Variants in GRM7 observed in about 807,000 individuals in gnomAD.
The protein encoded by GRM7 is metabotropic glutamate receptor 7.
Under a neutral mutation model 84.5 loss-of-function variants are expected in GRM7, and 35 were observed. That is an observed-to-expected ratio of 0.41 (90% CI 0.32 to 0.55). The LOEUF (loss-of-function observed/expected upper bound fraction) is 0.55, where lower values mean the gene tolerates loss of function less well. Among genes scored for constraint, GRM7 ranks in the 20% least tolerant of loss-of-function variants. GRM7 has a pLI of 0.19. For missense variants in GRM7, 1,003 were observed against 1,194.6 expected (o/e 0.84, Z 2.36); for synonymous variants, 487 against 455.1 (o/e 1.07, Z -0.89).
At chr3:7,405,408 A>G (rs894216529) in intron 4 of GRM7, among the ~76,000 whole-genome samples, 3 of 152,168 alleles carry the variant, frequency 2.0e-5, no homozygotes, top group Admixed American at 6.5e-5. Context: ...ATATTTTGAT[A>G]CACATTATAT....
At chr3:7,306,756 T>C in intron 4 of GRM7, 104 bp downstream of exon 4, 3 of 935,748 alleles carry the variant, frequency 3.2e-6, no homozygotes, top group East Asian at 2.7e-5. Context: ...ACCAAACTCA[T>C]GTGGGGTTGT....
At chr3:7,461,823 T>C (rs1698260808) in intron 7 of GRM7, 101 bp downstream of exon 7, 1 of 1,074,032 alleles carries the variant, frequency 9.3e-7, no homozygotes. Flanking sequence ...TTTGTGTGCA[T>C]ATACAAGTGA....
rs940480640 is a variant in GRM7, at chr3:7,188,747, T to C, written c.736+42079T>C. ...ATCTGTTTTCTATTGGTGGACAGCT[T>C]TCTCCCATGTGGCAATTTTGAGATT... On this transcript the variant is annotated intron_variant, in intron 2 of 9. Transcript: ENST00000357716. The surrounding 1 kb of genome is among the most constrained non-coding windows in gnomAD (Gnocchi z 4.2). Among the ~76,000 whole-genome samples the C allele has an allele frequency of 6.6e-6, 1 of 152,174 alleles. No homozygotes were observed. Among genetic ancestry groups the C allele is most frequent in the Non-Finnish European group, 1.5e-5 (1 of 68,028 alleles).
intron 4 of GRM7, among the ~76,000 whole-genome samples, chr3:7,379,281 C>T (rs1419512712): frequency 6.6e-6 from 1 of 151,952 alleles, no homozygotes; most frequent in Non-Finnish European, 1.5e-5. Context: ...CACCATGTTG[C>T]CCAGGTTGCC....
chr3:7,179,526 T>G (rs1394924643), intron 2 of GRM7, among the ~76,000 whole-genome samples: 1 of 152,206 alleles, frequency 6.6e-6, no homozygotes, highest in Non-Finnish European at 1.5e-5. Flanking sequence ...TTCAAAATAG[T>G]CACTGCAGCA....
At chr3:7,454,081 T>TACACACAC (rs141029901) in intron 6 of GRM7, among the ~76,000 whole-genome samples, 43,200 of 142,612 alleles carry the variant, frequency 0.3, 7,375 homozygotes, top group Non-Finnish European at 0.4. Context: ...CATGAAAAGC[T>TACACACAC]ACACACACAC....
chr3:7,259,663 AAC>A (rs1698334606), intron 2 of GRM7, among the ~76,000 whole-genome samples: 1 of 152,196 alleles, frequency 6.6e-6, no homozygotes. Flanking sequence ...GTATATGTAC[AAC>A]AGTTTCTTTA....
intron 8 of GRM7, among the ~76,000 whole-genome samples, chr3:7,635,913 C>T (rs3864069): frequency 0.69 from 104,848 of 151,888 alleles, 36,389 homozygotes; most frequent in South Asian, 0.83. Flanking sequence ...CGGCCTCAAG[C>T]GATCCTCCTG....
At chr3:7,614,313 G>C (rs1281893444) in intron 8 of GRM7, among the ~76,000 whole-genome samples, 1 of 152,014 alleles carries the variant, frequency 6.6e-6, no homozygotes, top group Non-Finnish European at 1.5e-5. Flanking sequence ...CAGCACCCAG[G>C]TAAATAATCA....
Position 7,056,445 on chromosome 3 carries a change from C to T in GRM7, c.520-90007C>T, listed in dbSNP as rs572459765. Among the ~76,000 whole-genome samples, 7 of 152,090 alleles carry T rather than the reference C, an allele frequency of 4.6e-5. No homozygotes were observed. The South Asian group carries it at 6.2e-4, about 14-fold the overall frequency. ...TCCACCATGTATATGCTTCTCACTC[C>T]GAGGTCAACAATTTCACTGTAAGCT... is the stretch of plus-strand genomic sequence containing the variant. On this transcript the variant is annotated intron_variant, in intron 1 of 9. Coordinates refer to ENST00000357716, the MANE Select transcript of GRM7 (RefSeq NM_000844.4).
At chr3:7,182,828 A>G (rs1168352991) in intron 2 of GRM7, among the ~76,000 whole-genome samples, 1 of 151,360 alleles carries the variant, frequency 6.6e-6, no homozygotes, top group Non-Finnish European at 1.5e-5. Flanking sequence ...TCATGAATTC[A>G]TATACAATTT....
At chr3:6,912,294 T>C (rs1365239064) in intron 1 of GRM7, among the ~76,000 whole-genome samples, 1 of 152,194 alleles carries the variant, frequency 6.6e-6, no homozygotes, top group Non-Finnish European at 1.5e-5. Flanking sequence ...TAATATGCCC[T>C]GTGAATTTTC....
At chr3:7,281,832 G>A (rs1699259568) in intron 2 of GRM7, among the ~76,000 whole-genome samples, 1 of 152,186 alleles carries the variant, frequency 6.6e-6, no homozygotes, top group Admixed American at 6.5e-5. Context: ...TGTAATCCTA[G>A]TACTTTGGGA....
At chr3:7,181,199 A>G (rs1209052452) in intron 2 of GRM7, among the ~76,000 whole-genome samples, 1 of 152,106 alleles carries the variant, frequency 6.6e-6, no homozygotes, top group Non-Finnish European at 1.5e-5. Flanking sequence ...TCTTCTTTCC[A>G]TACCCAATGG....
chr3:7,591,074 A>G (rs1056804913), intron 8 of GRM7, among the ~76,000 whole-genome samples: 3 of 152,156 alleles, frequency 2.0e-5, no homozygotes, highest in Non-Finnish European at 4.4e-5. Flanking sequence ...TACCCTCAAT[A>G]TATTGTTTAG....
chr3:7,126,774 A>G (rs1693415907), intron 1 of GRM7, among the ~76,000 whole-genome samples: 1 of 151,804 alleles, frequency 6.6e-6, no homozygotes, highest in Admixed American at 6.6e-5. Flanking sequence ...TTTTCCTTCT[A>G]CCTCTTTCAC....
At chr3:7,718,000 A>T (rs1178350376) in intron 9 of GRM7, among the ~76,000 whole-genome samples, 1 of 152,096 alleles carries the variant, frequency 6.6e-6, no homozygotes, top group Non-Finnish European at 1.5e-5. Flanking sequence ...GCGGACTAGC[A>T]AGAGTGACAT....
At chr3:7,311,046 C>T (rs560225046) in intron 4 of GRM7, among the ~76,000 whole-genome samples, 1 of 152,186 alleles carries the variant, frequency 6.6e-6, no homozygotes, top group South Asian at 2.1e-4. Context: ...ATTAGTTATT[C>T]TTTGTATATA....
At chr3:7,455,643 A>G (rs1433028224) in intron 6 of GRM7, among the ~76,000 whole-genome samples, 1 of 152,206 alleles carries the variant, frequency 6.6e-6, no homozygotes. Flanking sequence ...AGTACTTTTC[A>G]AAAGTGTCCA....
Sources: allele counts gnomAD v4.1 joint callset (sites outside exome capture counted in the v4.1 genomes callset), GRCh38; gene constraint gnomAD v4.1.1; non-coding constraint Gnocchi (gnomAD v3.1); transcripts MANE v1.5; gene names NCBI Gene and HGNC (gene_info 2026-07-23, HGNC 2026-07-21).